ZFAND3: variants seen among roughly 807,000 people sequenced by gnomAD.
ZFAND3 encodes zinc finger AN1-type containing 3.
Under a neutral mutation model 29.6 loss-of-function variants are expected in ZFAND3, and 10 were observed. The observed-to-expected ratio is 0.34, with a 90% CI of 0.21 to 0.57. The LOEUF (loss-of-function observed/expected upper bound fraction) is 0.57. Among genes scored for constraint, ZFAND3 ranks in the 20% least tolerant of loss-of-function variants. The pLI, the probability that ZFAND3 is intolerant of heterozygous loss-of-function variation, is 0.86. For missense variants in ZFAND3, 230 were observed against 304.5 expected, an observed-to-expected ratio of 0.76 and a Z score of 1.82; for synonymous variants, 128 against 112.6, an observed-to-expected ratio of 1.14 and a Z score of -0.87.
intron 1 of ZFAND3, among the ~76,000 whole-genome samples, chr6:37,846,580 A>G (rs182710501): frequency 6.6e-6 from 1 of 152,180 alleles, no homozygotes; most frequent in East Asian, 1.9e-4. Flanking sequence ...GACGTTGCAG[A>G]TATTTACTCC....
At chr6:37,989,643 C>T (rs115849855) in intron 2 of ZFAND3, among the ~76,000 whole-genome samples, 340 of 152,218 alleles carry the variant, frequency 2.2e-3, no homozygotes, top group Non-Finnish European at 4.1e-3. Flanking sequence ...AAGAGCAAGC[C>T]ACATAAGTTA....
chr6:37,918,830 T>C (rs12660919), intron 1 of ZFAND3, among the ~76,000 whole-genome samples: 32,652 of 152,008 alleles, frequency 0.21, 4,341 homozygotes, highest in African/African-American at 0.37. Flanking sequence ...AAAAATAAGG[T>C]CAGATAATAC....
chr6:38,012,901 T>C (rs1395073434), intron 2 of ZFAND3, among the ~76,000 whole-genome samples: 1 of 152,174 alleles, frequency 6.6e-6, no homozygotes, highest in Non-Finnish European at 1.5e-5. Context: ...ACAAAATTCT[T>C]TTTTGTATTA....
intron 1 of ZFAND3, 93 bp downstream of exon 1, chr6:37,820,109 A>G: frequency 1.3e-6 from 1 of 758,030 alleles, no homozygotes; most frequent in Non-Finnish European, 1.6e-6. Context: ...GGAGGCCGGA[A>G]CCTTGGAGGC....
intron 3 of ZFAND3, among the ~76,000 whole-genome samples, chr6:38,076,210 A>G (rs1764550545): frequency 6.6e-6 from 1 of 151,482 alleles, no homozygotes; most frequent in Non-Finnish European, 1.5e-5. Context: ...TTTTTTTTAG[A>G]AATAAAGTTT....
chr6:38,102,107 T>C (rs55898002), intron 4 of ZFAND3, among the ~76,000 whole-genome samples: 10,042 of 152,218 alleles, frequency 0.066, 392 homozygotes, highest in Non-Finnish European at 0.093. Flanking sequence ...CCTCCTCCTC[T>C]TCTTCCTCCT....
At chr6:37,897,192 TCTTCTA>T (rs1765235985) in intron 1 of ZFAND3, among the ~76,000 whole-genome samples, 1 of 152,226 alleles carries the variant, frequency 6.6e-6, no homozygotes, top group South Asian at 2.1e-4. Flanking sequence ...CTTCTTGCCC[TCTTCTA>T]CTTAAAGCCT....
At position 37,884,451 on chromosome 6, in the gene ZFAND3, G is replaced by A. The variant is rs1006520599; in HGVS notation, c.72-45508G>A. Among the ~76,000 whole-genome samples, 23 of 126,898 alleles carry A rather than the reference G, an allele frequency of 1.8e-4. 3 individuals are homozygous for A. Among genetic ancestry groups the A allele is most frequent in the African/African-American group, 6.7e-4 (19 of 28,568 alleles). 83.3% of individuals were successfully genotyped at this position (126,898 alleles called of 152,430 possible). A position where few individuals can be genotyped will look rare whatever the true frequency, so the allele number is the denominator to read the frequency against. The stretch of plus-strand genomic sequence containing the variant: ...GGAGATTGCGGTGAGCCAAGATCGC[G>A]CCATTGCACTCCAGCCTGGGCAAAA... On this transcript the variant is annotated intron_variant, in intron 1 of 5. Coordinates refer to ENST00000287218, the MANE Select transcript of ZFAND3 (RefSeq NM_021943.3).
chr6:38,127,597 C>T (rs1283011046), intron 5 of ZFAND3, among the ~76,000 whole-genome samples: 1 of 151,958 alleles, frequency 6.6e-6, no homozygotes, highest in Non-Finnish European at 1.5e-5. Flanking sequence ...TTTAGAAATG[C>T]TTTGTTTGAA....
At chr6:38,103,168 G>A (rs781009304) in intron 4 of ZFAND3, among the ~76,000 whole-genome samples, 21 of 152,084 alleles carry the variant, frequency 1.4e-4, no homozygotes, top group South Asian at 6.2e-4. Flanking sequence ...CTTTCAAACT[G>A]CGACTTTAAG....
intron 2 of ZFAND3, among the ~76,000 whole-genome samples, chr6:37,931,246 G>A (rs888534547): frequency 1.3e-5 from 2 of 152,178 alleles, no homozygotes; most frequent in Non-Finnish European, 2.9e-5. Flanking sequence ...AATGATCTAA[G>A]AGGATAGTTA....
intron 5 of ZFAND3, among the ~76,000 whole-genome samples, chr6:38,133,782 G>A (rs1414668327): frequency 6.6e-6 from 1 of 151,836 alleles, no homozygotes; most frequent in Non-Finnish European, 1.5e-5. Flanking sequence ...TGGACAAATG[G>A]TACCTCCTTT....
chr6:37,950,200 A>G (rs971758175), intron 2 of ZFAND3, among the ~76,000 whole-genome samples: 7 of 152,102 alleles, frequency 4.6e-5, no homozygotes, highest in Admixed American at 4.6e-4. Context: ...TCTGCATGAA[A>G]TCTAGGTTTT....
At chr6:37,899,326 T>C (rs1368262771) in intron 1 of ZFAND3, among the ~76,000 whole-genome samples, 8 of 152,214 alleles carry the variant, frequency 5.3e-5, no homozygotes, top group Non-Finnish European at 2.9e-5. Context: ...TGTTGAGTAG[T>C]TGTGGTGATA....
chr6:38,128,515 CGTT>C (rs913030029), intron 5 of ZFAND3, among the ~76,000 whole-genome samples: 29 of 152,166 alleles, frequency 1.9e-4, no homozygotes, highest in Admixed American at 1.1e-3. Flanking sequence ...TCTCCAAAGT[CGTT>C]GTGTCATTCC....
intron 5 of ZFAND3, among the ~76,000 whole-genome samples, chr6:38,136,161 C>T (rs1048178071): frequency 2.6e-5 from 4 of 152,090 alleles, no homozygotes; most frequent in Non-Finnish European, 4.4e-5. Flanking sequence ...CTTATTTCCT[C>T]CTGAGATGTG....
intron 1 of ZFAND3, among the ~76,000 whole-genome samples, chr6:37,893,412 C>G (rs1164632916): frequency 2.0e-5 from 3 of 152,192 alleles, no homozygotes; most frequent in Non-Finnish European, 4.4e-5. Context: ...AACTATGAAT[C>G]GAGTGGAACT....
chr6:37,954,104 CT>C (rs1442996616), intron 2 of ZFAND3, among the ~76,000 whole-genome samples: 1 of 151,850 alleles, frequency 6.6e-6, no homozygotes, highest in Non-Finnish European at 1.5e-5. Flanking sequence ...ATTTTTGTTC[CT>C]CCATATTTAA....
At chr6:37,880,724 T>C (rs1196186424) in intron 1 of ZFAND3, among the ~76,000 whole-genome samples, 3 of 151,880 alleles carry the variant, frequency 2.0e-5, no homozygotes, top group African/African-American at 7.3e-5. Flanking sequence ...GAATCACAAA[T>C]GATTGTGCTA....
Sources: allele counts gnomAD v4.1 joint callset (sites outside exome capture counted in the v4.1 genomes callset), GRCh38; gene constraint gnomAD v4.1.1; transcripts MANE v1.5; gene names NCBI Gene and HGNC (gene_info 2026-07-23, HGNC 2026-07-21).